Variants in MYO1B observed in about 807,000 individuals in gnomAD.
MYO1B encodes myosin IB, also known as unconventional myosin-Ib.
MYO1B carries 72 observed loss-of-function variants against 159.7 expected under a neutral mutation model. The observed-to-expected ratio is 0.45, with a 90% CI of 0.37 to 0.55. The LOEUF (loss-of-function observed/expected upper bound fraction) is 0.55, where lower values mean the gene tolerates loss of function less well. MYO1B is among the 20% of genes least tolerant of loss of function. The probability of loss-of-function intolerance (pLI) is 0.00; values close to 1 mark genes in which losing one functional copy is unlikely to be tolerated. For missense variants in MYO1B, 1,062 were observed against 1,364.8 expected, an observed-to-expected ratio of 0.78 and a Z score of 3.50; for synonymous variants, 468 against 473.8, an observed-to-expected ratio of 0.99 and a Z score of 0.16.
intron 13 of MYO1B, among the ~76,000 whole-genome samples, chr2:191,370,622 C>A (rs943160621): frequency 2.0e-5 from 3 of 152,196 alleles, no homozygotes; most frequent in African/African-American, 7.2e-5. Flanking sequence ...ATTTAAATTT[C>A]TAACCGTGAG....
chr2:191,300,421 G>A (rs1689245677), intron 3 of MYO1B, among the ~76,000 whole-genome samples: 1 of 149,772 alleles, frequency 6.7e-6, no homozygotes, highest in Non-Finnish European at 1.5e-5. Context: ...TCGGCTCACT[G>A]CAACCTCCAC....
At chr2:191,286,135 C>T (rs925573654) in intron 2 of MYO1B, among the ~76,000 whole-genome samples, 1 of 152,120 alleles carries the variant, frequency 6.6e-6, no homozygotes, top group African/African-American at 2.4e-5. Flanking sequence ...TTTTATATGT[C>T]TATTGCATAT....
In MYO1B at chr2:191,387,235, G is replaced by C. The variant is rs769139543; in HGVS notation, c.1566G>C (p.Gln522His). The C allele has an allele frequency of 1.2e-6, 2 of 1,613,918 alleles. No individual in the cohort carries two copies. The highest frequency in any genetic ancestry group is 2.7e-5 in the African/African-American group (2 of 74,918). Residue 522 changes from glutamine to histidine, a missense_variant, in exon 17 of 31, where the codon CAG becomes CAC. Transcript: ENST00000392318. Reference sequence around the variant, plus strand: ...TGTGCTGCTTATAGGTGCTGTACCAGGTGGAAGGATTCGTTGACAAAAACA... The same window carrying C: ...TGTGCTGCTTATAGGTGCTGTACCACGTGGAAGGATTCGTTGACAAAAACA... ...IQHYAGKVLYQVEGFVDKNND... is the reference protein window; with the variant it reads ...IQHYAGKVLYHVEGFVDKNND...
In MYO1B at chr2:191,280,774, C is replaced by T. The variant is rs183839170; in HGVS notation, c.135+3744C>T. Among the ~76,000 whole-genome samples the T allele has an allele frequency of 1.4e-4, 21 of 152,252 alleles. No individual in the cohort carries two copies. The East Asian group carries it at 2.1e-3, about 15-fold the overall frequency. ...AGAAGAGAAAAGGGGCAGTGGATGC[C>T]GAGGAGCCCACTCACTGTGAACTCC... is the stretch of plus-strand genomic sequence containing the variant. On this transcript the variant is annotated intron_variant, in intron 2 of 30. Coordinates refer to ENST00000392318, the MANE Select transcript of MYO1B (RefSeq NM_001130158.3).
At position 191,383,282 on chromosome 2, in the gene MYO1B, T is replaced by C; in HGVS notation, c.1293T>C (p.Asp431=). The C allele has an allele frequency of 6.4e-7, 1 of 1,571,870 alleles. No homozygotes were observed. Among genetic ancestry groups the C allele is most frequent in the Non-Finnish European group, 8.6e-7 (1 of 1,160,034 alleles). Reference sequence around the variant, plus strand: ...TTTTGTTCTGTTTTGTCTTTTAGGATATAGAATGGACTCACATTGACTACT... The same window carrying C: ...TTTTGTTCTGTTTTGTCTTTTAGGACATAGAATGGACTCACATTGACTACT... ...KEEQEEYIRE[D]IEWTHIDYFN... The change falls in exon 15 of 31, where the codon GAT becomes GAC. Residue 431 remains aspartate (D), a splice_region_variant and synonymous_variant. Transcript: ENST00000392318.
At chr2:191,408,543 A>G (rs1020848933) in intron 25 of MYO1B, among the ~76,000 whole-genome samples, 2 of 152,260 alleles carry the variant, frequency 1.3e-5, no homozygotes, top group African/African-American at 4.8e-5. Flanking sequence ...ATTAGTGGGG[A>G]GAGGGGTGAC....
intron 4 of MYO1B, among the ~76,000 whole-genome samples, chr2:191,337,797 C>T (rs968821218): frequency 3.3e-5 from 5 of 152,032 alleles, no homozygotes; most frequent in Non-Finnish European, 5.9e-5. Flanking sequence ...ATTCAAAAAC[C>T]AGACTTTGAA....
At chr2:191,403,887 G>A (rs1676908366) in intron 24 of MYO1B, among the ~76,000 whole-genome samples, 1 of 151,988 alleles carries the variant, frequency 6.6e-6, no homozygotes, top group African/African-American at 2.4e-5. Flanking sequence ...GGGTTTAACT[G>A]CATATGATTT....
chr2:191,282,698 G>A (rs1425153656), intron 2 of MYO1B, among the ~76,000 whole-genome samples: 1 of 152,180 alleles, frequency 6.6e-6, no homozygotes, highest in Non-Finnish European at 1.5e-5. Flanking sequence ...AGTAGGAGGA[G>A]GTTCTCTTTT....
At chr2:191,374,659 G>A (rs1055349623) in intron 13 of MYO1B, among the ~76,000 whole-genome samples, 13 of 152,134 alleles carry the variant, frequency 8.5e-5, no homozygotes, top group African/African-American at 3.1e-4. Flanking sequence ...GTGATCCGAT[G>A]TCAGTTTGGA....
rs769270189 is a variant in MYO1B, at chr2:191,308,084, G to A, written c.251+11858G>A. Among the ~76,000 whole-genome samples, 114 of 152,154 alleles carry A rather than the reference G, an allele frequency of 7.5e-4. 1 individual carries two copies. In the Middle Eastern group the frequency reaches 0.02, roughly 27 times the overall value. On this transcript the variant is annotated intron_variant, in intron 3 of 30. Transcript: ENST00000392318. ...AGATTCCCCCCCACTCTAATCACAG[G>A]CTTGGTCTTTCTGGTAAACATCCCT... is the stretch of plus-strand genomic sequence containing the variant.
intron 7 of MYO1B, among the ~76,000 whole-genome samples, chr2:191,354,857 C>A (rs1412657404): frequency 6.6e-6 from 1 of 152,206 alleles, no homozygotes; most frequent in Non-Finnish European, 1.5e-5. Context: ...GATCATACCT[C>A]TCGAAAGAGT....
intron 27 of MYO1B, among the ~76,000 whole-genome samples, chr2:191,412,340 C>A (rs1486055743): frequency 6.6e-6 from 1 of 152,210 alleles, no homozygotes; most frequent in Non-Finnish European, 1.5e-5. Flanking sequence ...TCTTCAGAAA[C>A]TACAGGCTGG....
chr2:191,258,219 A>G (rs1043811981), intron 1 of MYO1B, among the ~76,000 whole-genome samples: 1 of 152,252 alleles, frequency 6.6e-6, no homozygotes, highest in African/African-American at 2.4e-5. Context: ...CTCCTAGTCT[A>G]CAAACCTGTA....
intron 11 of MYO1B, among the ~76,000 whole-genome samples, chr2:191,365,231 A>G (rs1307896769): frequency 6.6e-6 from 1 of 152,156 alleles, no homozygotes; most frequent in Non-Finnish European, 1.5e-5. Flanking sequence ...TTAAATTACT[A>G]ACTTAGGACT....
At chr2:191,376,048 T>A (rs1694692906) in intron 13 of MYO1B, among the ~76,000 whole-genome samples, 1 of 152,182 alleles carries the variant, frequency 6.6e-6, no homozygotes, top group Non-Finnish European at 1.5e-5. Context: ...TGGGCTTCTG[T>A]TCTGTGTAAT....
At chr2:191,283,990 TG>T (rs1263944892) in intron 2 of MYO1B, among the ~76,000 whole-genome samples, 1 of 152,172 alleles carries the variant, frequency 6.6e-6, no homozygotes, top group African/African-American at 2.4e-5. Flanking sequence ...AAGTCATAGG[TG>T]ATCATTACAT....
chr2:191,417,648 G>A (rs1324322143), intron 30 of MYO1B, among the ~76,000 whole-genome samples: 1 of 152,156 alleles, frequency 6.6e-6, no homozygotes, highest in Non-Finnish European at 1.5e-5. Flanking sequence ...ACAAAGTACT[G>A]CTATTTTTAA....
At chr2:191,254,680 A>T (rs1686330928) in intron 1 of MYO1B, among the ~76,000 whole-genome samples, 1 of 151,654 alleles carries the variant, frequency 6.6e-6, no homozygotes, top group Non-Finnish European at 1.5e-5. Context: ...TAATTTTTAA[A>T]TTTTTTGTAG....
Sources: allele counts gnomAD v4.1 joint callset (sites outside exome capture counted in the v4.1 genomes callset), GRCh38; gene constraint gnomAD v4.1.1; transcripts MANE v1.5; gene names NCBI Gene and HGNC (gene_info 2026-07-23, HGNC 2026-07-21).